The following KANK4 variants were observed in gnomAD, a reference collection of about 807,000 sequenced individuals.
KANK4 encodes KN motif and ankyrin repeat domains 4, also known as KN motif and ankyrin repeat domain-containing protein 4.
In KANK4, 50 loss-of-function variants were observed where a neutral mutation model predicts 80.8. The observed-to-expected ratio is 0.62, with a 90% CI of 0.49 to 0.78. KANK4 has a LOEUF of 0.78. Ranked by LOEUF, KANK4 falls within the 30% of genes least tolerant of loss-of-function variation. KANK4 has a pLI of 0.00. For synonymous variants in KANK4, 465 were observed against 506.9 expected (o/e 0.92, Z 1.11); for missense variants, 1,196 against 1,240.1 (o/e 0.96, Z 0.53).
chr1:62,298,493 T>G (rs1644385636), intron 1 of KANK4, among the ~76,000 whole-genome samples: 1 of 152,216 alleles, frequency 6.6e-6, no homozygotes, highest in Non-Finnish European at 1.5e-5. Context: ...GATGCTGATC[T>G]GCTGGTCCCA....
intron 9 of KANK4, among the ~76,000 whole-genome samples, chr1:62,247,205 C>T (rs368152644): frequency 2.6e-4 from 40 of 152,132 alleles, no homozygotes; most frequent in African/African-American, 9.4e-4. Flanking sequence ...ATTTAAATCC[C>T]ACAACAGCCT....
chr1:62,302,140 G>T (rs1019128270), intron 1 of KANK4, among the ~76,000 whole-genome samples: 1 of 152,098 alleles, frequency 6.6e-6, no homozygotes, highest in Admixed American at 6.5e-5. Flanking sequence ...GGAGGCAGAC[G>T]TCAAGGGTTG....
At chr1:62,300,004 G>A (rs1182479053) in intron 1 of KANK4, among the ~76,000 whole-genome samples, 1 of 152,046 alleles carries the variant, frequency 6.6e-6, no homozygotes, top group Non-Finnish European at 1.5e-5. Flanking sequence ...ACCCACTTGT[G>A]CTCTGGAACA....
At chr1:62,244,568 G>C (rs1222650239) in intron 9 of KANK4, among the ~76,000 whole-genome samples, 3 of 152,076 alleles carry the variant, frequency 2.0e-5, no homozygotes, top group African/African-American at 7.2e-5. Context: ...TCCTGCAAAA[G>C]CTCTCTCTTT....
chr1:62,240,004 A>G (rs968916863), intron 9 of KANK4, among the ~76,000 whole-genome samples: 11 of 152,198 alleles, frequency 7.2e-5, no homozygotes, highest in Admixed American at 5.9e-4. Context: ...TAGCAGCATG[A>G]TTTATAGTCC....
chr1:62,314,283 G>A (rs1644521791), intron 1 of KANK4, among the ~76,000 whole-genome samples: 1 of 152,148 alleles, frequency 6.6e-6, no homozygotes, highest in South Asian at 2.1e-4. Flanking sequence ...CAAAGTGCTG[G>A]CATTAAGGTG....
At chr1:62,271,280 G>C (rs1009968082) in intron 4 of KANK4, among the ~76,000 whole-genome samples, 198 bp downstream of exon 4, 1 of 152,196 alleles carries the variant, frequency 6.6e-6, no homozygotes, top group Non-Finnish European at 1.5e-5. Flanking sequence ...ATTAAAAGCA[G>C]AGGTTCCAAC....
intron 1 of KANK4, among the ~76,000 whole-genome samples, chr1:62,307,898 G>C (rs1034048325): frequency 6.6e-6 from 1 of 152,070 alleles, no homozygotes; most frequent in East Asian, 1.9e-4. Flanking sequence ...CCACCCATGT[G>C]CCTGCCAGCT....
intron 6 of KANK4, among the ~76,000 whole-genome samples, chr1:62,264,139 C>T (rs949567255): frequency 1.3e-4 from 20 of 152,204 alleles, no homozygotes; most frequent in Admixed American, 5.9e-4. Flanking sequence ...CTGGCTCGGC[C>T]GGGCGCGGCA....
At chr1:62,238,462 A>C (rs41289438) in intron 9 of KANK4, 81 bp from the exon 10 acceptor site, 1 of 1,182,206 alleles carries the variant, frequency 8.5e-7, no homozygotes, top group Admixed American at 1.9e-5. Context: ...TTGGGAGTAG[A>C]GGGTATGCCT....
intron 7 of KANK4, among the ~76,000 whole-genome samples, chr1:62,260,026 C>T (rs991392825): frequency 4.1e-4 from 62 of 152,120 alleles, no homozygotes; most frequent in African/African-American, 1.4e-3. Context: ...CAGTCTGTAA[C>T]CCTGATTCTA....
intron 1 of KANK4, among the ~76,000 whole-genome samples, chr1:62,286,182 C>T (rs771912873): frequency 2.6e-5 from 4 of 152,224 alleles, no homozygotes; most frequent in Non-Finnish European, 5.9e-5. Context: ...TCGGGAGGAA[C>T]GCTGTGCCCA....
chr1:62,240,855 G>A (rs760327130), intron 9 of KANK4, among the ~76,000 whole-genome samples: 10 of 152,160 alleles, frequency 6.6e-5, no homozygotes, highest in African/African-American at 2.4e-4. Flanking sequence ...AGGCACCACC[G>A]GCCTGACTGA....
rs935194522 is a variant in KANK4 at position 62,236,354 on chromosome 1, G to A, written c.*1923C>T. Reference sequence around the variant, plus strand: ...GATTTGTATGCACATAAATGTTCGCGAAGCACCGGGCTAGAACATTTATTA... The same window carrying A: ...GATTTGTATGCACATAAATGTTCGCAAAGCACCGGGCTAGAACATTTATTA... On this transcript the variant is annotated 3_prime_UTR_variant, in exon 10 of 10. Transcript: ENST00000371153. 2.6e-5 allele frequency among the ~76,000 whole-genome samples: 4 copies of A among 152,106 alleles called. No individual in the cohort carries two copies. The highest frequency in any genetic ancestry group is 1.9e-4 in the East Asian group (1 of 5,200).
chr1:62,268,597 T>A, intron 4 of KANK4, 92 bp from the exon 5 acceptor site: 1 of 968,470 alleles, frequency 1.0e-6, no homozygotes, highest in Admixed American at 1.9e-5. Flanking sequence ...CGGGTAACAC[T>A]CCGCAGCTTG....
intron 1 of KANK4, among the ~76,000 whole-genome samples, chr1:62,309,290 T>G: frequency 6.6e-6 from 1 of 152,122 alleles, no homozygotes; most frequent in East Asian, 1.9e-4. Flanking sequence ...CTAAGTTACC[T>G]CCCAAAGATT....
At chr1:62,317,112 T>C (rs1644548366) in intron 1 of KANK4, among the ~76,000 whole-genome samples, 1 of 152,134 alleles carries the variant, frequency 6.6e-6, no homozygotes. Flanking sequence ...AGGTGCTCAT[T>C]GCAAGGGGCC....
In KANK4 at chr1:62,296,767, T is replaced by C. The variant is rs1453903221; in HGVS notation, c.-70-15133A>G. Among the ~76,000 whole-genome samples, 5 of 152,084 alleles carry C rather than the reference T, an allele frequency of 3.3e-5. No homozygotes were observed. In the East Asian group the frequency reaches 7.8e-4, roughly 24 times the overall value. On this transcript the variant is annotated intron_variant, in intron 1 of 9. Transcript: ENST00000371153. ...GTTGTCCAGGCTGGTCTTGAACTAC[T>C]GGGCTCAAGTGATCTACCCGCCTTG...
chr1:62,247,762 C>G lies in KANK4; in HGVS notation c.2683-90G>C, dbSNP rs1671507189. 7 of 1,020,942 alleles carry G rather than the reference C, an allele frequency of 6.9e-6. No homozygotes were observed. The South Asian group carries it at 8.1e-5, about 12-fold the overall frequency. 63.2% of individuals were successfully genotyped at this position (1,020,942 alleles called of 1,614,324 possible). On this transcript the variant is annotated intron_variant, in intron 8 of 9. Coordinates refer to ENST00000371153, the MANE Select transcript of KANK4 (RefSeq NM_181712.5). ...CTGGGTGTGCTCATCAGAGACTTCT[C>G]AATACCACAACCACTGATTTGAATC...
Sources: gnomAD v4.1 joint callset for allele counts (sites outside exome capture counted in the v4.1 genomes callset) on GRCh38, gnomAD v4.1.1 for gene constraint, MANE v1.5 for transcripts, NCBI Gene and HGNC (gene_info 2026-07-23, HGNC 2026-07-21) for gene names.